SND1: variants seen among roughly 807,000 people sequenced by gnomAD.
SND1 encodes staphylococcal nuclease and tudor domain containing 1.
A neutral mutation model predicts 121.7 loss-of-function variants in SND1; 38 were observed. The ratio of observed to expected loss-of-function variants is 0.31; its 90% CI spans 0.24 to 0.41. The LOEUF is 0.41. SND1 is among the 10% of genes least tolerant of loss of function. The pLI is 1.00. For synonymous variants in SND1, 401 were observed against 447.4 expected (o/e 0.90, Z 1.31); for missense variants, 868 against 1,184.6 (o/e 0.73, Z 3.92).
chr7:127,908,881 A>G (rs1178556854), intron 14 of SND1, among the ~76,000 whole-genome samples: 1 of 152,206 alleles, frequency 6.6e-6, no homozygotes, highest in Non-Finnish European at 1.5e-5. Flanking sequence ...AAAACAGGCA[A>G]TAAAATGGGG....
chr7:128,075,107 G>C lies in SND1; in HGVS notation c.1968+417G>C, dbSNP rs577379352. On this transcript the variant is annotated intron_variant, in intron 17 of 23. Transcript: ENST00000354725. Reference sequence around the variant, plus strand: ...ATCTGAATTTCCTTCACATTGCCCCGTGGGGAAACAACCCTAGGAGAGGCC... The same window carrying C: ...ATCTGAATTTCCTTCACATTGCCCCCTGGGGAAACAACCCTAGGAGAGGCC... Among the ~76,000 whole-genome samples, 5 of 152,310 alleles carry C rather than the reference G, an allele frequency of 3.3e-5. No individual in the cohort carries two copies. The South Asian group carries it at 1.0e-3, about 32-fold the overall frequency.
At chr7:127,654,742 C>T (rs1010791161) in intron 1 of SND1, among the ~76,000 whole-genome samples, 7 of 152,168 alleles carry the variant, frequency 4.6e-5, no homozygotes, top group Non-Finnish European at 8.8e-5. Context: ...ATTGCACTGC[C>T]TTCTCTGACC....
At chr7:127,694,771 C>A in intron 2 of SND1, 57 bp from the exon 3 acceptor site, 1 of 1,599,678 alleles carries the variant, frequency 6.3e-7, no homozygotes, top group Non-Finnish European at 8.5e-7. Context: ...TGCTTGAATG[C>A]TGATTGGCAT....
At chr7:127,870,690 G>A (rs868459153) in intron 12 of SND1, among the ~76,000 whole-genome samples, 1 of 152,154 alleles carries the variant, frequency 6.6e-6, no homozygotes, top group Non-Finnish European at 1.5e-5. Context: ...TGGCAGGACC[G>A]GAAGTTGCTT....
intron 15 of SND1, among the ~76,000 whole-genome samples, chr7:127,956,167 C>T (rs796952188): frequency 5.3e-5 from 8 of 152,308 alleles, no homozygotes; most frequent in African/African-American, 1.9e-4. Context: ...CAATCCTTAG[C>T]ACAATGCCTA....
At chr7:127,938,271 T>C (rs945231037) in intron 15 of SND1, among the ~76,000 whole-genome samples, 1 of 152,336 alleles carries the variant, frequency 6.6e-6, no homozygotes, top group South Asian at 2.1e-4. Context: ...TGGGTAGTGT[T>C]TTTTAATGAG....
intron 10 of SND1, among the ~76,000 whole-genome samples, chr7:127,764,298 G>T (rs1437531404): frequency 2.0e-5 from 3 of 152,124 alleles, no homozygotes; most frequent in Non-Finnish European, 2.9e-5. Context: ...CTACCCTGTG[G>T]CCATTCCCAC....
chr7:127,703,442 G>A (rs1796138268), intron 7 of SND1, 119 bp downstream of exon 7: 5 of 1,207,576 alleles, frequency 4.1e-6, no homozygotes, highest in Non-Finnish European at 1.1e-6. Flanking sequence ...GGCCAGTTGT[G>A]GTGGCTCACG....
At chr7:127,926,720 T>TTTTTTGTTG (rs368624574) in intron 14 of SND1, among the ~76,000 whole-genome samples, 4 of 142,760 alleles carry the variant, frequency 2.8e-5, no homozygotes, top group Non-Finnish European at 4.5e-5. Context: ...ACCCGGCTAT[T>TTTTTTGTTG]TTGTTGTTGT....
chr7:128,030,404 G>A (rs757427060), intron 16 of SND1: 3 of 1,613,872 alleles, frequency 1.9e-6, no homozygotes, highest in Non-Finnish European at 2.5e-6. Flanking sequence ...TGAGGTTGAG[G>A]TACCGGGTGT....
chr7:127,730,252 C>T (rs1013279317), intron 10 of SND1, among the ~76,000 whole-genome samples: 13 of 152,352 alleles, frequency 8.5e-5, no homozygotes, highest in Admixed American at 4.6e-4. Context: ...CAGGTGTGAG[C>T]CACCGCGCCC....
At chr7:127,750,344 T>C (rs1797067485) in intron 10 of SND1, among the ~76,000 whole-genome samples, 2 of 152,164 alleles carry the variant, frequency 1.3e-5, no homozygotes, top group African/African-American at 4.8e-5. Flanking sequence ...GGACCACTGG[T>C]TGGAATGCTG....
At chr7:127,969,696 C>A (rs1801938337) in intron 15 of SND1, among the ~76,000 whole-genome samples, 1 of 152,158 alleles carries the variant, frequency 6.6e-6, no homozygotes, top group Non-Finnish European at 1.5e-5. Flanking sequence ...CCACTGCATT[C>A]CATCCTGGGC....
intron 10 of SND1, among the ~76,000 whole-genome samples, chr7:127,791,952 G>T (rs1364028605): frequency 1.3e-5 from 2 of 152,192 alleles, no homozygotes; most frequent in African/African-American, 4.8e-5. Flanking sequence ...GCCTTCCTGT[G>T]ATTGGGCTTT....
rs554709851 is a variant in SND1, at chr7:128,085,238, G to A, written c.2234+391G>A. Among the ~76,000 whole-genome samples, 3 of 152,252 alleles carry A rather than the reference G, an allele frequency of 2.0e-5. No individual in the cohort carries two copies. The highest frequency in any genetic ancestry group is 4.8e-5 in the African/African-American group (2 of 41,548). On this transcript the variant is annotated intron_variant, in intron 19 of 23. Transcript: ENST00000354725. This position sits in a 1 kb window ranked among gnomAD's most constrained non-coding sequence, Gnocchi z 4.4. ...AACCAGCTGCCCGACCCTCTTCCCC[G>A]GCTGTCTAGGACATGAGCAGCAGTG...
At chr7:127,833,255 ACTGT>A (rs1450998528) in intron 11 of SND1, among the ~76,000 whole-genome samples, 12 of 133,642 alleles carry the variant, frequency 9.0e-5, no homozygotes, top group African/African-American at 3.1e-4. Context: ...ATGTGATTGA[ACTGT>A]CTTTTTTTTT....
rs1803209157 is a variant in SND1, at chr7:128,015,649, A to C, written c.1779+24593A>C. ...TCCCTTCTCCTTGTCCCTTTCCAACAGAAATGAAATGATTGGTAACAAGTA... is the reference window on the plus strand; with the variant it reads ...TCCCTTCTCCTTGTCCCTTTCCAACCGAAATGAAATGATTGGTAACAAGTA... On this transcript the variant is annotated intron_variant, in intron 16 of 23. Transcript: ENST00000354725. The surrounding 1 kb of genome is among the most constrained non-coding windows in gnomAD (Gnocchi z 4.5). Among the ~76,000 whole-genome samples the C allele has an allele frequency of 1.3e-5, 2 of 152,218 alleles. No homozygotes were observed. Among genetic ancestry groups the C allele is most frequent in the African/African-American group, 4.8e-5 (2 of 41,454 alleles).
intron 16 of SND1, among the ~76,000 whole-genome samples, chr7:128,066,820 G>A (rs1048983220): frequency 1.3e-5 from 2 of 152,120 alleles, no homozygotes; most frequent in African/African-American, 4.8e-5. Context: ...CCTTGGGCAA[G>A]GCTACCACTG....
chr7:128,016,327 T>C (rs748935851), intron 16 of SND1, among the ~76,000 whole-genome samples: 2 of 152,056 alleles, frequency 1.3e-5, no homozygotes, highest in Non-Finnish European at 2.9e-5. Context: ...AGATATATTA[T>C]GGACTTTCTA....
Sources: gnomAD v4.1 joint callset for allele counts (sites outside exome capture counted in the v4.1 genomes callset) on GRCh38, gnomAD v4.1.1 for gene constraint, Gnocchi (gnomAD v3.1) non-coding constraint, MANE v1.5 for transcripts, NCBI Gene and HGNC (gene_info 2026-07-23, HGNC 2026-07-21) for gene names.